The following FANCD2 variants were observed in gnomAD, a reference collection of about 807,000 sequenced individuals.
FANCD2 encodes the protein Fanconi anemia group D2 protein.
A neutral mutation model predicts 192.3 loss-of-function variants in FANCD2; 131 were observed. The observed-to-expected ratio is 0.68, with a 90% CI of 0.59 to 0.79. FANCD2 has a LOEUF of 0.79. Ranked by LOEUF, FANCD2 falls within the 30% of genes least tolerant of loss-of-function variation. FANCD2 has a pLI of 0.00. For missense variants in FANCD2, 1,508 were observed against 1,701.6 expected (o/e 0.89, Z 2.00); for synonymous variants, 524 against 612.5 (o/e 0.86, Z 2.13).
intron 26 of FANCD2, among the ~76,000 whole-genome samples, chr3:10,070,135 G>T (rs894939880): frequency 2.0e-5 from 3 of 151,142 alleles, no homozygotes; most frequent in Non-Finnish European, 4.4e-5. Flanking sequence ...GAGGTGAGGA[G>T]CGTCTCTGCC....
At chr3:10,041,556 C>T in intron 9 of FANCD2, 67 bp from the exon 10 acceptor site, 2 of 1,069,758 alleles carry the variant, frequency 1.9e-6, no homozygotes, top group Non-Finnish European at 1.5e-6. Context: ...ATGATTTTCT[C>T]AAGTCATTGT....
chr3:10,058,066 C>G, intron 18 of FANCD2: 1 of 495,128 alleles, frequency 2.0e-6, no homozygotes, highest in South Asian at 1.8e-5. Context: ...CAGGGATGTA[C>G]TTCTTGGGAT....
Position 10,060,249 on chromosome 3 carries a change from T to A in FANCD2, c.1657-45T>A, listed in dbSNP as rs773393305. 5 of 1,350,460 alleles carry A rather than the reference T, an allele frequency of 3.7e-6. No individual in the cohort carries two copies. In the South Asian group the frequency reaches 5.9e-5, roughly 16 times the overall value. The allele number at this position is 1,350,460 out of a possible 1,614,324, so 83.7% of individuals were successfully genotyped here. Reference sequence around the variant, plus strand: ...GCTCGATATCCATACCTTCTTTTGCTGTGCCATTCCAGCATTTTCATCTTT... The same window carrying A: ...GCTCGATATCCATACCTTCTTTTGCAGTGCCATTCCAGCATTTTCATCTTT... On this transcript the variant is annotated intron_variant, in intron 18 of 43. Coordinates refer to ENST00000675286, the MANE Select transcript of FANCD2 (RefSeq NM_001018115.3).
Position 10,061,912 on chromosome 3 carries a change from T to C in FANCD2, c.1767-239T>C, listed in dbSNP as rs530963174. ...GCATGTTCTCACTCATAGGTGGTAATTGAACAATGAGAACACATGGACACA... is the reference window on the plus strand; with the variant it reads ...GCATGTTCTCACTCATAGGTGGTAACTGAACAATGAGAACACATGGACACA... On this transcript the variant is annotated intron_variant, in intron 19 of 43. Transcript: ENST00000675286. Among the ~76,000 whole-genome samples, 6 of 142,176 alleles carry C rather than the reference T, an allele frequency of 4.2e-5. No individual in the cohort carries two copies. In the Admixed American group the frequency reaches 4.7e-4, roughly 11 times the overall value. 93.3% of individuals were successfully genotyped at this position (142,176 alleles called of 152,430 possible). A position where few individuals can be genotyped will look rare whatever the true frequency, so the allele number is the denominator to read the frequency against.
intron 18 of FANCD2, among the ~76,000 whole-genome samples, chr3:10,054,472 TA>T (rs1355286198): frequency 0.024 from 695 of 28,698 alleles, 29 homozygotes; most frequent in East Asian, 0.094. Flanking sequence ...TATATATATA[TA>T]TTTTTTTTTT....
chr3:10,053,382 TG>T (rs2087276657), intron 18 of FANCD2, among the ~76,000 whole-genome samples: 1 of 19,200 alleles, frequency 5.2e-5, no homozygotes, highest in Non-Finnish European at 1.0e-4. Context: ...CTTTGTGGGG[TG>T]GGGGGAGGCG....
chr3:10,034,726 C>A lies in FANCD2; in HGVS notation c.305C>A (p.Ser102Tyr). ...GAAGAATTTGTTAGTGGCCTGGAGT[C>A]TTACATTGAGGATGAAGACAGTTTC... ...IIEEFVSGLE[S>Y]YIEDEDSFRN... The change falls in exon 5 of 44, where the codon TCT becomes TAT. Residue 102 changes from serine to tyrosine, a missense_variant. By Grantham distance (144) the Ser-to-Tyr change is moderately radical (BLOSUM62 -2). Coordinates refer to ENST00000675286, the MANE Select transcript of FANCD2 (RefSeq NM_001018115.3). The A allele has an allele frequency of 6.4e-7, 1 of 1,571,868 alleles. No individual in the cohort carries two copies. Among genetic ancestry groups the A allele is most frequent in the East Asian group, 2.3e-5 (1 of 43,302 alleles).
intron 26 of FANCD2, among the ~76,000 whole-genome samples, chr3:10,069,027 T>C (rs1328294709): frequency 6.6e-6 from 1 of 152,184 alleles, no homozygotes. Flanking sequence ...CTTCAAATTA[T>C]GAAACTACTA....
intron 30 of FANCD2, among the ~76,000 whole-genome samples, chr3:10,080,380 T>A (rs896309488): frequency 6.6e-6 from 1 of 152,234 alleles, no homozygotes; most frequent in African/African-American, 2.4e-5. Flanking sequence ...ACCACAGGCA[T>A]GTGCCACCGC....
At chr3:10,093,238 C>T (rs376114632) in intron 38 of FANCD2, 47 bp from the exon 39 acceptor site, 2 of 1,540,902 alleles carry the variant, frequency 1.3e-6, no homozygotes, top group Non-Finnish European at 1.8e-6. Flanking sequence ...CTGGAGTGCT[C>T]AAAGGAGCAG....
intron 12 of FANCD2, 27 bp downstream of exon 12, chr3:10,043,177 G>A: frequency 6.3e-7 from 1 of 1,582,158 alleles, no homozygotes; most frequent in Non-Finnish European, 8.7e-7. Context: ...CACACAGGAT[G>A]TCACAATTTT....
In FANCD2 at chr3:10,043,150, G is replaced by T. The variant is rs752267036; in HGVS notation, c.989G>T (p.Ser330Ile). 6.2e-7 allele frequency: 1 copy of T among 1,613,024 alleles called. No homozygotes were observed. Among genetic ancestry groups the T allele is most frequent in the Admixed American group, 1.7e-5 (1 of 59,998 alleles). The change falls in exon 12 of 44, where the codon AGT becomes ATT. Residue 330 changes from serine (S) to isoleucine (I), a missense_variant and splice_region_variant. Transcript: ENST00000675286. ...QVKLKSKGRA[S>I]SSGNQESSGQ... is the part of the protein sequence containing the mutation. ...AAGTTGAAAAGTAAAGGACGAGCAA[G>T]GTAAAGAGCTCATCCTCACACAGGA... is the stretch of plus-strand genomic sequence containing the variant.
chr3:10,072,957 A>C lies in FANCD2; in HGVS notation c.2581A>C (p.Lys861Gln). The change falls in exon 27 of 44, where the codon AAA becomes CAA. Residue 861 changes from lysine (K) to glutamine (Q), a missense_variant. Lys to Gln is a moderately conservative substitution (Grantham distance 53). Transcript: ENST00000675286. ...TCATACTGTTACTGCTATTTCAGCA[A>C]AAATCAGAAAGAAAGGAAAAATAGG... is the stretch of plus-strand genomic sequence containing the variant. ...TPHTVTAISA[K>Q]IRKKGKIERK... is the part of the protein sequence containing the mutation. The C allele has an allele frequency of 1.3e-6, 2 of 1,599,724 alleles. No homozygotes were observed. The highest frequency in any genetic ancestry group is 1.7e-6 in the Non-Finnish European group (2 of 1,166,894).
At chr3:10,094,480 C>A in intron 40 of FANCD2, 117 bp downstream of exon 40, 1 of 855,774 alleles carries the variant, frequency 1.2e-6, no homozygotes, top group Non-Finnish European at 2.0e-6. Context: ...TGGTCCACTT[C>A]AGCTGTAGCC....
In FANCD2 at chr3:10,042,580, A is replaced by C. The variant is rs747977469; in HGVS notation, c.805A>C (p.Lys269Gln). 3.1e-6 allele frequency: 5 copies of C among 1,614,024 alleles called. No homozygotes were observed. Among genetic ancestry groups the C allele is most frequent in the Non-Finnish European group, 4.2e-6 (5 of 1,179,932 alleles). Residue 269 changes from lysine (K) to glutamine (Q), a missense_variant, in exon 11 of 44, where the codon AAG (lysine) becomes CAG (glutamine). Lys to Gln is a moderately conservative substitution (Grantham distance 53, BLOSUM62 1). Transcript: ENST00000675286. Reference protein sequence around the residue: ...LLKVRQLVMDKLSSIRLEDLP... With the variant: ...LLKVRQLVMDQLSSIRLEDLP... ...TTAGGTTCGCCAGTTGGTGATGGATAAGTTGTCGTCTATTAGATTGGAGGA... is the reference window on the plus strand; with the variant it reads ...TTAGGTTCGCCAGTTGGTGATGGATCAGTTGTCGTCTATTAGATTGGAGGA...
chr3:10,028,888 A>G (rs899134053), intron 2 of FANCD2, among the ~76,000 whole-genome samples, 167 bp downstream of exon 2: 5 of 152,198 alleles, frequency 3.3e-5, no homozygotes, highest in Non-Finnish European at 7.4e-5. Flanking sequence ...TTTGCCTCGA[A>G]TTCTGCGTAT....
chr3:10,089,844 A>G (rs1178071850), intron 36 of FANCD2, among the ~76,000 whole-genome samples: 1 of 152,204 alleles, frequency 6.6e-6, no homozygotes, highest in African/African-American at 2.4e-5. Flanking sequence ...CAGAATATCA[A>G]TAGTTATCTT....
chr3:10,055,040 T>C (rs140157000), intron 18 of FANCD2, among the ~76,000 whole-genome samples: 7 of 152,324 alleles, frequency 4.6e-5, no homozygotes, highest in African/African-American at 1.2e-4. Context: ...TGTTTACCTG[T>C]AGTTTCCTTT....
chr3:10,078,494 A>G (rs897692455), intron 30 of FANCD2, among the ~76,000 whole-genome samples: 3 of 151,968 alleles, frequency 2.0e-5, no homozygotes, highest in Non-Finnish European at 4.4e-5. Context: ...AGCTGGGACT[A>G]CAGGTGCCTG....
Sources: allele counts gnomAD v4.1 joint callset (sites outside exome capture counted in the v4.1 genomes callset), GRCh38; gene constraint gnomAD v4.1.1; transcripts MANE v1.5; gene names NCBI Gene and HGNC (gene_info 2026-07-23, HGNC 2026-07-21).